ZC3H3: variants seen among roughly 807,000 people sequenced by gnomAD.
The protein encoded by ZC3H3 is zinc finger CCCH domain-containing protein 3.
In ZC3H3, 36 loss-of-function variants were observed where a neutral mutation model predicts 77.3. That is an observed-to-expected ratio of 0.47 (90% CI 0.36 to 0.61). ZC3H3 has a LOEUF of 0.61. Ranked by LOEUF, ZC3H3 falls within the 20% of genes least tolerant of loss-of-function variation. The pLI is 0.00. For synonymous variants in ZC3H3, 626 were observed against 555.2 expected (o/e 1.13, Z -1.79); for missense variants, 1,331 against 1,312.2 (o/e 1.01, Z -0.22).
intron 3 of ZC3H3, among the ~76,000 whole-genome samples, chr8:143,534,005 T>A (rs941656062): frequency 1.4e-4 from 21 of 151,872 alleles, no homozygotes; most frequent in African/African-American, 4.8e-4. Flanking sequence ...TGAGTTTGGC[T>A]GGGCACAGTG....
chr8:143,500,948 G>A (rs1821507340), intron 4 of ZC3H3, among the ~76,000 whole-genome samples: 1 of 149,466 alleles, frequency 6.7e-6, no homozygotes, highest in Non-Finnish European at 1.5e-5. Context: ...AAGTAACTGA[G>A]ATTACAAGTG....
intron 1 of ZC3H3, 50 bp downstream of exon 1, chr8:143,541,326 A>G: frequency 6.2e-7 from 1 of 1,600,644 alleles, no homozygotes; most frequent in Non-Finnish European, 8.5e-7. Flanking sequence ...ACCCGCCGCG[A>G]GGTGAGGGGG....
At chr8:143,463,562 C>A (rs544085536) in intron 9 of ZC3H3, among the ~76,000 whole-genome samples, 2 of 152,340 alleles carry the variant, frequency 1.3e-5, no homozygotes, top group East Asian at 3.9e-4. Context: ...TGACAGCAGA[C>A]AGACACAGCT....
At chr8:143,504,679 C>A (rs1821634155) in intron 4 of ZC3H3, among the ~76,000 whole-genome samples, 1 of 152,208 alleles carries the variant, frequency 6.6e-6, no homozygotes, top group East Asian at 1.9e-4. Context: ...CCACTCCCAG[C>A]ACCTGGGACC....
Position 143,460,191 on chromosome 8 carries a change from TGAGCCGA to T in ZC3H3, c.2307+5519_2307+5525del, listed in dbSNP as rs1303175649. On this transcript the variant is annotated intron_variant, in intron 9 of 11. Coordinates refer to ENST00000262577, the MANE Select transcript of ZC3H3 (RefSeq NM_015117.3). This position sits in a 1 kb window ranked among gnomAD's most constrained non-coding sequence, Gnocchi z 4.0. The stretch of plus-strand genomic sequence containing the variant: ...CGAACCCGGGAGGCGGAAGTTGCAG[TGAGCCGA>T]GATCATGCCATTGCACTCCAGCCTG... Among the ~76,000 whole-genome samples the T allele has an allele frequency of 6.6e-6, 1 of 151,880 alleles. No individual in the cohort carries two copies. Among genetic ancestry groups the T allele is most frequent in the East Asian group, 1.9e-4 (1 of 5,184 alleles).
rs200402267 is a variant in ZC3H3 at position 143,539,098 on chromosome 8, T to C, written c.269A>G (p.His90Arg). ...PPGPSDPPAD[H>R]AVRPLHGARG... The stretch of plus-strand genomic sequence containing the variant: ...GGCCCCGTGCAACGGCCGCACAGCA[T>C]GGTCGGCAGGAGGGTCTGAGGGTCC... Residue 90 changes from histidine to arginine, a missense_variant, in exon 2 of 12, where the codon CAT becomes CGT. This residue lies in a region of ZC3H3 where 978 missense variants were observed against 915.5 expected (regional missense o/e 1.07). Transcript: ENST00000262577. 44 of 1,612,920 alleles carry C rather than the reference T, an allele frequency of 2.7e-5. 1 individual carries two copies. The highest frequency in any genetic ancestry group is 3.4e-5 in the Non-Finnish European group (40 of 1,179,986).
chr8:143,541,134 C>A lies in ZC3H3; in HGVS notation c.46+242G>T, dbSNP rs2242094. 0.2 allele frequency among the ~76,000 whole-genome samples: 30,771 copies of A among 152,078 alleles called. 3,202 individuals carry two copies. The highest frequency in any genetic ancestry group is 0.28 in the Middle Eastern group (82 of 292). On this transcript the variant is annotated intron_variant, in intron 1 of 11. Coordinates refer to ENST00000262577, the MANE Select transcript of ZC3H3 (RefSeq NM_015117.3). ...CCCCCCGCGGGTTACTAAGCGACGGCCCTGCCTCCACCCTCTGCAGCCCCA... is the reference window on the plus strand; with the variant it reads ...CCCCCCGCGGGTTACTAAGCGACGGACCTGCCTCCACCCTCTGCAGCCCCA...
chr8:143,502,378 C>T (rs1821552365), intron 4 of ZC3H3, among the ~76,000 whole-genome samples: 1 of 152,266 alleles, frequency 6.6e-6, no homozygotes, highest in African/African-American at 2.4e-5. Flanking sequence ...GCAGTGAGGA[C>T]CCCTCCCGTC....
chr8:143,468,763 G>A (rs1249205096), intron 5 of ZC3H3, 104 bp from the exon 6 acceptor site: 4 of 1,401,850 alleles, frequency 2.9e-6, no homozygotes, highest in Non-Finnish European at 3.8e-6. Flanking sequence ...CCAACACTCA[G>A]CTCAGGCACA....
intron 3 of ZC3H3, among the ~76,000 whole-genome samples, chr8:143,529,644 G>C (rs1325372656): frequency 6.6e-6 from 1 of 152,204 alleles, no homozygotes; most frequent in African/African-American, 2.4e-5. Flanking sequence ...CAGGGCTCTG[G>C]GGAGGCTGCC....
intron 3 of ZC3H3, among the ~76,000 whole-genome samples, chr8:143,518,272 C>A (rs1206357710): frequency 1.3e-5 from 2 of 152,228 alleles, no homozygotes; most frequent in African/African-American, 2.4e-5. Flanking sequence ...CCCAGCCCAC[C>A]CCTGACCTTC....
At chr8:143,526,812 G>A (rs1476850283) in intron 3 of ZC3H3, among the ~76,000 whole-genome samples, 1 of 152,188 alleles carries the variant, frequency 6.6e-6, no homozygotes, top group Non-Finnish European at 1.5e-5. Flanking sequence ...TCAGTGCCCA[G>A]AGCCACACCC....
chr8:143,438,191 C>A, intron 11 of ZC3H3, 104 bp from the exon 12 acceptor site: 1 of 1,404,508 alleles, frequency 7.1e-7, no homozygotes, highest in Non-Finnish European at 9.9e-7. Context: ...TCTGTCAGCC[C>A]AAGCACACAC....
At position 143,491,535 on chromosome 8, in the gene ZC3H3, G is replaced by A. The variant is rs182119099; in HGVS notation, c.1716-15950C>T. On this transcript the variant is annotated intron_variant, in intron 4 of 11. Transcript: ENST00000262577. The stretch of plus-strand genomic sequence containing the variant: ...GGCAAAGCAGCATCTTGAGCCCCAC[G>A]GCTGGAGACGCAGTGTGCCACACCC... Among the ~76,000 whole-genome samples, 969 of 152,374 alleles carry A rather than the reference G, an allele frequency of 6.4e-3. 4 individuals carry two copies. Among genetic ancestry groups the A allele is most frequent in the African/African-American group, 0.021 (863 of 41,596 alleles).
intron 4 of ZC3H3, among the ~76,000 whole-genome samples, chr8:143,496,571 TCAA>T (rs1176249118): frequency 2.0e-5 from 3 of 151,682 alleles, no homozygotes; most frequent in Non-Finnish European, 4.4e-5. Context: ...TTAAAGCAAA[TCAA>T]CAACGACGCA....
At chr8:143,505,536 C>T (rs1174422314) in intron 4 of ZC3H3, among the ~76,000 whole-genome samples, 7 of 152,120 alleles carry the variant, frequency 4.6e-5, no homozygotes, top group Admixed American at 4.6e-4. Context: ...TCCTAAGAGT[C>T]GTGCCCCTCA....
chr8:143,488,778 C>G (rs538647836), intron 4 of ZC3H3, among the ~76,000 whole-genome samples: 16 of 152,304 alleles, frequency 1.1e-4, no homozygotes, highest in African/African-American at 3.6e-4. Flanking sequence ...AACATCCTCA[C>G]GAAATTCAAA....
At chr8:143,498,855 G>C (rs1319622618) in intron 4 of ZC3H3, among the ~76,000 whole-genome samples, 1 of 122,216 alleles carries the variant, frequency 8.2e-6, no homozygotes, top group East Asian at 2.4e-4. Context: ...GAGGGGTACA[G>C]GGCAGGGCAG....
chr8:143,452,970 T>C (rs143701162), intron 9 of ZC3H3, among the ~76,000 whole-genome samples: 57 of 152,276 alleles, frequency 3.7e-4, no homozygotes, highest in East Asian at 1.2e-3. Context: ...TCAGACAGGA[T>C]AGACCAAAGA....
Sources: gnomAD v4.1 joint callset for allele counts (sites outside exome capture counted in the v4.1 genomes callset) on GRCh38, gnomAD v4.1.1 for gene constraint, gnomAD v4.1.1 regional missense constraint, Gnocchi (gnomAD v3.1) non-coding constraint, MANE v1.5 for transcripts, NCBI Gene and HGNC (gene_info 2026-07-23, HGNC 2026-07-21) for gene names.